The following RASA2 variants were observed in gnomAD, a reference collection of about 807,000 sequenced individuals.
The protein encoded by RASA2 is RAS p21 protein activator 2.
In RASA2, 155 loss-of-function variants were observed where a neutral mutation model predicts 118.2. The ratio of observed to expected loss-of-function variants is 1.31; its 90% confidence interval spans 1.15 to 1.50. RASA2 has a LOEUF of 1.50. RASA2 is among the 40% of genes most tolerant of loss of function. RASA2 has a pLI of 0.00. For synonymous variants in RASA2, 353 were observed against 349.1 expected (o/e 1.01, Z -0.12); for missense variants, 1,016 against 1,009.6 (o/e 1.01, Z -0.09).
At chr3:141,562,122 T>G (rs548778170) in intron 9 of RASA2, among the ~76,000 whole-genome samples, 17 of 151,856 alleles carry the variant, frequency 1.1e-4, no homozygotes, top group African/African-American at 4.1e-4. Flanking sequence ...CGAGCTAATT[T>G]TTGTATTTTT....
chr3:141,516,109 G>A (rs1447383645), intron 2 of RASA2, among the ~76,000 whole-genome samples: 3 of 150,514 alleles, frequency 2.0e-5, no homozygotes, highest in Non-Finnish European at 4.4e-5. Flanking sequence ...TAAATGATGA[G>A]TTAATGGGCG....
intron 5 of RASA2, among the ~76,000 whole-genome samples, chr3:141,548,997 T>C (rs950349232): frequency 6.6e-6 from 1 of 152,198 alleles, no homozygotes; most frequent in Non-Finnish European, 1.5e-5. Flanking sequence ...TCACTTTAAA[T>C]TTATCATCAC....
At chr3:141,541,854 A>G (rs1216977165) in intron 5 of RASA2, among the ~76,000 whole-genome samples, 1 of 151,734 alleles carries the variant, frequency 6.6e-6, no homozygotes, top group Admixed American at 6.6e-5. Context: ...TTTACCTACT[A>G]AAAATAGTTC....
intron 17 of RASA2, among the ~76,000 whole-genome samples, chr3:141,584,860 C>T (rs2083174335): frequency 6.6e-6 from 1 of 151,892 alleles, no homozygotes; most frequent in Non-Finnish European, 1.5e-5. Context: ...TTTTGAAATA[C>T]TTTTATTCAT....
Position 141,487,142 on chromosome 3 carries a change from C to T in RASA2, c.59C>T (p.Ala20Val), listed in dbSNP as rs746093782. ...TCTTCCGAGGCGCCAGCGGCGAGTG[C>T]GACTGCAGAGCCCGAGGCCGGGGAC... ...AASSEAPAAS[A>V]TAEPEAGDQD... Residue 20 changes from alanine to valine, a missense_variant, in exon 1 of 24, where the codon GCG (alanine) becomes GTG (valine). By Grantham distance (64) the Ala-to-Val change is moderately conservative. Around this residue, in one of 2 missense-constraint regions of RASA2, gnomAD observed 896 missense variants for 836.4 expected, o/e 1.07. Coordinates refer to ENST00000286364, the MANE Select transcript of RASA2 (RefSeq NM_006506.5). The T allele has an allele frequency of 1.4e-6, 2 of 1,453,238 alleles. No individual in the cohort carries two copies. The highest frequency in any genetic ancestry group is 2.4e-5 in the Admixed American group (1 of 40,868). 90.0% of individuals were successfully genotyped at this position (1,453,238 alleles called of 1,614,324 possible).
At chr3:141,524,937 A>G (rs1003442729) in intron 3 of RASA2, among the ~76,000 whole-genome samples, 2 of 152,164 alleles carry the variant, frequency 1.3e-5, no homozygotes, top group African/African-American at 4.8e-5. Flanking sequence ...CTAGTGCTCA[A>G]GTAGGAACAG....
chr3:141,513,436 A>T (rs565972941), intron 2 of RASA2, among the ~76,000 whole-genome samples: 1 of 152,188 alleles, frequency 6.6e-6, no homozygotes, highest in Non-Finnish European at 1.5e-5. Context: ...TACTTTAAAC[A>T]TAATATTTGA....
intron 5 of RASA2, among the ~76,000 whole-genome samples, chr3:141,550,410 G>A (rs975575151): frequency 1.3e-5 from 2 of 152,192 alleles, no homozygotes; most frequent in African/African-American, 4.8e-5. Context: ...CTAATGAACT[G>A]TCTCAGGATG....
chr3:141,540,484 T>G, intron 4 of RASA2, 49 bp from the exon 5 acceptor site: 1 of 1,460,338 alleles, frequency 6.8e-7, no homozygotes, highest in Non-Finnish European at 9.6e-7. Context: ...CCTTTAATAT[T>G]TTGTCAGTAA....
intron 15 of RASA2, among the ~76,000 whole-genome samples, chr3:141,579,835 C>G (rs955593107): frequency 6.6e-6 from 1 of 151,590 alleles, no homozygotes; most frequent in African/African-American, 2.4e-5. Flanking sequence ...GCAGGCAGAT[C>G]ACCTGAGGTC....
At chr3:141,544,868 A>T (rs2082460815) in intron 5 of RASA2, among the ~76,000 whole-genome samples, 1 of 152,234 alleles carries the variant, frequency 6.6e-6, no homozygotes, top group Non-Finnish European at 1.5e-5. Flanking sequence ...CATTATCCTT[A>T]GCAGACTAAC....
intron 1 of RASA2, among the ~76,000 whole-genome samples, chr3:141,488,058 A>G (rs886745927): frequency 1.3e-5 from 2 of 152,184 alleles, no homozygotes; most frequent in Admixed American, 6.5e-5. Context: ...AGTTGACTAA[A>G]TACGAAATTT....
At chr3:141,560,880 A>T (rs974572587) in intron 9 of RASA2, among the ~76,000 whole-genome samples, 1 of 152,146 alleles carries the variant, frequency 6.6e-6, no homozygotes, top group Non-Finnish European at 1.5e-5. Context: ...ATCTGTTCCT[A>T]AAAGAGCCTG....
At position 141,568,521 on chromosome 3, in the gene RASA2, TAAAG is replaced by T. The variant is rs1286610896; in HGVS notation, c.864-2387_864-2384del. ...AGAAAAACAAAGTTAAAAGAGAAAA[TAAAG>T]AAAACGTTCCTTAAAAAAACAAAAG... On this transcript the variant is annotated intron_variant, in intron 9 of 23. Transcript: ENST00000286364. Among the ~76,000 whole-genome samples the T allele has an allele frequency of 4.6e-5, 7 of 151,954 alleles. 1 individual carries two copies. The highest frequency in any genetic ancestry group is 1.2e-4 in the African/African-American group (5 of 41,502).
rs1356187623 is a variant in RASA2 at position 141,614,195 on chromosome 3, A to G, written c.*1882A>G. On this transcript the variant is annotated 3_prime_UTR_variant, in exon 24 of 24. Transcript: ENST00000286364. ...TTCTAATACCAAATCCCCAATTGTG[A>G]TTGTTTTAAAGATCATGGTATGATC... is the stretch of plus-strand genomic sequence containing the variant. The G allele has an allele frequency of 6.6e-6, 1 of 151,830 alleles. No individual in the cohort carries two copies. Among genetic ancestry groups the G allele is most frequent in the Non-Finnish European group, 1.5e-5 (1 of 67,954 alleles). The allele number at this position is 151,830 out of a possible 1,614,324, so 9.4% of individuals were successfully genotyped here.
intron 5 of RASA2, among the ~76,000 whole-genome samples, chr3:141,548,671 G>A (rs1343830887): frequency 6.6e-6 from 1 of 151,984 alleles, no homozygotes; most frequent in African/African-American, 2.4e-5. Context: ...TGGTTTTGGG[G>A]GAGTAATGTA....
At chr3:141,487,340 G>C (rs1316334648) in intron 1 of RASA2, 124 bp downstream of exon 1, 2 of 1,132,530 alleles carry the variant, frequency 1.8e-6, no homozygotes, top group Non-Finnish European at 2.2e-6. Flanking sequence ...AGGGGGCCTG[G>C]GCCGGGCGCG....
intron 4 of RASA2, among the ~76,000 whole-genome samples, chr3:141,534,022 C>A (rs1197145494): frequency 1.3e-5 from 2 of 152,102 alleles, no homozygotes. Flanking sequence ...TGTTTATGGT[C>A]CTAGTTATCA....
Position 141,512,267 on chromosome 3 carries a change from GA to G in RASA2, c.243del (p.Lys81AsnfsTer3). On this transcript the variant is annotated frameshift_variant, in exon 2 of 24. Coordinates refer to ENST00000286364, the MANE Select transcript of RASA2 (RefSeq NM_006506.5). LOFTEE classifies it high-confidence loss of function. ...AGAAGTTTATCGTACCCAAGTTGTG[GA>G]AAAATCTTTAAGGTTGGTAGAAAAA... ...QEEVYRTQVV[E>X]KSLSPFFSEE... The G allele has an allele frequency of 6.3e-7, 1 of 1,579,368 alleles. No homozygotes were observed. The highest frequency in any genetic ancestry group is 8.6e-7 in the Non-Finnish European group (1 of 1,166,376).
Sources: gnomAD v4.1 joint callset for allele counts (sites outside exome capture counted in the v4.1 genomes callset) on GRCh38, gnomAD v4.1.1 for gene constraint, gnomAD v4.1.1 regional missense constraint, MANE v1.5 for transcripts, NCBI Gene and HGNC (gene_info 2026-07-23, HGNC 2026-07-21) for gene names.